The following PLD5 variants were observed in gnomAD, a reference collection of about 807,000 sequenced individuals.
The protein encoded by PLD5 is phospholipase D family member 5, also known as inactive phospholipase D5.
In PLD5, 36 loss-of-function variants were observed where a neutral mutation model predicts 61.1. The observed-to-expected ratio is 0.59, with a 90% CI of 0.45 to 0.78. The LOEUF (loss-of-function observed/expected upper bound fraction) is 0.78, where lower values mean the gene tolerates loss of function less well. Among genes scored for constraint, PLD5 ranks in the 30% least tolerant of loss-of-function variants. PLD5 has a pLI of 0.00. For synonymous variants in PLD5, 243 were observed against 242.8 expected (o/e 1.00, Z -0.01); for missense variants, 515 against 644.4 (o/e 0.80, Z 2.17).
chr1:242,377,370 C>G (rs1662024528), intron 1 of PLD5: 4 of 1,546,234 alleles, frequency 2.6e-6, no homozygotes, highest in Non-Finnish European at 3.6e-6. Context: ...TCAGGGAGAC[C>G]TGAACTCCAA....
At chr1:242,311,332 T>C (rs551962391) in intron 2 of PLD5, among the ~76,000 whole-genome samples, 5 of 152,220 alleles carry the variant, frequency 3.3e-5, no homozygotes, top group Non-Finnish European at 7.3e-5. Context: ...AGTGCATCCA[T>C]TGTGTAATGG....
chr1:242,234,077 G>A (rs983048111), intron 4 of PLD5, among the ~76,000 whole-genome samples: 4 of 152,074 alleles, frequency 2.6e-5, no homozygotes, highest in Admixed American at 2.0e-4. Context: ...AAATGTTAAC[G>A]CATTTGTTCC....
chr1:242,176,205 C>A (rs1158784971), intron 5 of PLD5, among the ~76,000 whole-genome samples: 3 of 152,106 alleles, frequency 2.0e-5, no homozygotes, highest in Non-Finnish European at 1.5e-5. Flanking sequence ...GCTACAGTAA[C>A]AAAAACAGCA....
intron 5 of PLD5, among the ~76,000 whole-genome samples, chr1:242,147,944 A>C (rs573982685): frequency 6.6e-6 from 1 of 152,270 alleles, no homozygotes; most frequent in South Asian, 2.1e-4. Flanking sequence ...GATGTGATTT[A>C]CAAATATTGC....
chr1:242,372,452 C>T (rs1289908827), intron 1 of PLD5, among the ~76,000 whole-genome samples: 2 of 152,114 alleles, frequency 1.3e-5, no homozygotes, highest in Non-Finnish European at 2.9e-5. Context: ...CTTTAAAGTT[C>T]ATATGGAACC....
chr1:242,489,199 C>T (rs1008097394), intron 1 of PLD5, among the ~76,000 whole-genome samples: 3 of 151,958 alleles, frequency 2.0e-5, no homozygotes, highest in Non-Finnish European at 4.4e-5. Context: ...TGGCAGAGAG[C>T]TGGGAAAGGG....
chr1:242,324,500 T>C (rs1459874869), intron 2 of PLD5, among the ~76,000 whole-genome samples: 1 of 152,218 alleles, frequency 6.6e-6, no homozygotes, highest in African/African-American at 2.4e-5. Flanking sequence ...CCCTGTTCTT[T>C]CCTGGGTGTA....
At chr1:242,109,665 C>A (rs997247514) in intron 7 of PLD5, among the ~76,000 whole-genome samples, 3 of 152,194 alleles carry the variant, frequency 2.0e-5, no homozygotes, top group African/African-American at 7.2e-5. Context: ...GCTGTCCCTT[C>A]CACTGGGAAA....
At chr1:242,118,163 C>T (rs1662097012) in intron 6 of PLD5, among the ~76,000 whole-genome samples, 1 of 152,156 alleles carries the variant, frequency 6.6e-6, no homozygotes, top group African/African-American at 2.4e-5. Context: ...TGATACAGGC[C>T]AGACTCCAGC....
intron 5 of PLD5, among the ~76,000 whole-genome samples, chr1:242,127,526 C>G (rs927984547): frequency 6.6e-6 from 1 of 150,840 alleles, no homozygotes; most frequent in African/African-American, 2.4e-5. Flanking sequence ...GATTGGGGGC[C>G]TATTATTCTA....
chr1:242,496,088 C>A (rs1278742497), intron 1 of PLD5, among the ~76,000 whole-genome samples: 1 of 152,170 alleles, frequency 6.6e-6, no homozygotes, highest in Non-Finnish European at 1.5e-5. Context: ...TTCTTTAGTG[C>A]CTCTGTTGTA....
At chr1:242,318,102 G>A (rs1289583503) in intron 2 of PLD5, among the ~76,000 whole-genome samples, 46 of 152,182 alleles carry the variant, frequency 3.0e-4, no homozygotes, top group Non-Finnish European at 5.7e-4. Flanking sequence ...AAAGTGGCTC[G>A]CCTAAGAAGA....
chr1:242,150,521 T>C (rs1387829861), intron 5 of PLD5, among the ~76,000 whole-genome samples: 1 of 151,862 alleles, frequency 6.6e-6, no homozygotes, highest in African/African-American at 2.4e-5. Flanking sequence ...TTATTATGGA[T>C]TCTTGGAGAA....
At chr1:242,207,659 C>CT (rs1405397321) in intron 5 of PLD5, among the ~76,000 whole-genome samples, 1 of 149,004 alleles carries the variant, frequency 6.7e-6, no homozygotes, top group Non-Finnish European at 1.5e-5. Context: ...AACACCTTGT[C>CT]TTTTTTCATT....
chr1:242,226,293 A>C (rs1172956482), intron 4 of PLD5, among the ~76,000 whole-genome samples: 7 of 152,156 alleles, frequency 4.6e-5, no homozygotes, highest in African/African-American at 1.7e-4. Context: ...AGATGCATAC[A>C]TCACAATGTG....
intron 9 of PLD5, among the ~76,000 whole-genome samples, chr1:242,098,971 T>G (rs1226110542): frequency 6.6e-6 from 1 of 152,126 alleles, no homozygotes; most frequent in East Asian, 1.9e-4. Flanking sequence ...CTGCCCCTAC[T>G]GGGGGGTGCC....
At chr1:242,469,200 A>T (rs1169764902) in intron 1 of PLD5, among the ~76,000 whole-genome samples, 3 of 152,250 alleles carry the variant, frequency 2.0e-5, no homozygotes, top group Non-Finnish European at 4.4e-5. Flanking sequence ...GATTGCTTGT[A>T]TAGATGTTTA....
chr1:242,480,096 T>C (rs1667725348), intron 1 of PLD5, among the ~76,000 whole-genome samples: 1 of 151,616 alleles, frequency 6.6e-6, no homozygotes, highest in Non-Finnish European at 1.5e-5. Flanking sequence ...GCTTACATAA[T>C]TTGACTTCAA....
chr1:242,110,693 C>T (rs112119974), intron 7 of PLD5, among the ~76,000 whole-genome samples: 12,654 of 151,814 alleles, frequency 0.083, 558 homozygotes, highest in Middle Eastern at 0.17. Flanking sequence ...GCCTGCAGGC[C>T]CAGATACTCA....
Sources: gnomAD v4.1 joint callset for allele counts (sites outside exome capture counted in the v4.1 genomes callset) on GRCh38, gnomAD v4.1.1 for gene constraint, MANE v1.5 for transcripts, NCBI Gene and HGNC (gene_info 2026-07-23, HGNC 2026-07-21) for gene names.